Variants in VAPB observed in about 807,000 individuals in gnomAD.
The protein encoded by VAPB is vesicle-associated membrane protein-associated protein B/C.
In VAPB, 7 loss-of-function variants were observed where a neutral mutation model predicts 25.6. The ratio of observed to expected loss-of-function variants is 0.27; its 90% CI spans 0.16 to 0.51. VAPB has a LOEUF of 0.51. Ranked by LOEUF, VAPB falls within the 20% of genes least tolerant of loss-of-function variation. VAPB has a pLI of 0.97. For missense variants in VAPB, 266 were observed against 301.3 expected (o/e 0.88, Z 0.87); for synonymous variants, 112 against 109.2 (o/e 1.03, Z -0.16).
chr20:58,393,764 C>G (rs1987873200), intron 1 of VAPB, among the ~76,000 whole-genome samples: 1 of 151,922 alleles, frequency 6.6e-6, no homozygotes, highest in African/African-American at 2.4e-5. Flanking sequence ...TGGAGTTTGG[C>G]TCTTGTTGCT....
intron 1 of VAPB, among the ~76,000 whole-genome samples, chr20:58,415,404 A>T (rs912654467): frequency 2.6e-5 from 4 of 152,242 alleles, no homozygotes; most frequent in African/African-American, 9.6e-5. Flanking sequence ...TTACATTATT[A>T]AAAAGAGTAA....
In VAPB at chr20:58,447,772, T is replaced by A; in HGVS notation, c.*3537T>A. 1 of 453,998 alleles carries A rather than the reference T, an allele frequency of 2.2e-6. No individual in the cohort carries two copies. Among genetic ancestry groups the A allele is most frequent in the Non-Finnish European group, 4.4e-6 (1 of 226,690 alleles). The allele number at this position is 453,998 out of a possible 1,614,324, so 28.1% of individuals were successfully genotyped here. The stretch of plus-strand genomic sequence containing the variant: ...TACACAAATTTTTGTGTTTGCAAAC[T>A]CAGAATCCATGCCAAAATACAATGT... On this transcript the variant is annotated 3_prime_UTR_variant, in exon 6 of 6. Transcript: ENST00000475243.
In VAPB at chr20:58,447,442, G is replaced by A. The variant is rs898452072; in HGVS notation, c.*3207G>A. ...GTGGCCAGTTTATGGCTAGAGAGAC[G>A]ACTTATACCTCCATAACACAGAAGG... On this transcript the variant is annotated 3_prime_UTR_variant, in exon 6 of 6. Transcript: ENST00000475243. 8 of 453,854 alleles carry A rather than the reference G, an allele frequency of 1.8e-5. No homozygotes were observed. The highest frequency in any genetic ancestry group is 3.5e-5 in the Non-Finnish European group (8 of 226,790). The allele number at this position is 453,854 out of a possible 1,614,324, so 28.1% of individuals were successfully genotyped here. A position where few individuals can be genotyped will look rare whatever the true frequency, so the allele number is the denominator to read the frequency against.
rs1259597475 is a variant in VAPB, at chr20:58,446,030, A to G, written c.*1795A>G. 4 of 453,978 alleles carry G rather than the reference A, an allele frequency of 8.8e-6. No individual in the cohort carries two copies. Among genetic ancestry groups the G allele is most frequent in the South Asian group, 6.2e-5 (4 of 64,480 alleles). 28.1% of individuals were successfully genotyped at this position (453,978 alleles called of 1,614,324 possible). A position where few individuals can be genotyped will look rare whatever the true frequency, so the allele number is the denominator to read the frequency against. ...GGGGCCTTGAAACTGGAGAAGTGGA[A>G]GTCTATGGTTGGTCTGAGTAAGTAA... On this transcript the variant is annotated 3_prime_UTR_variant, in exon 6 of 6. Coordinates refer to ENST00000475243, the MANE Select transcript of VAPB (RefSeq NM_004738.5).
intron 1 of VAPB, among the ~76,000 whole-genome samples, chr20:58,399,307 A>G (rs1391022823): frequency 1.3e-5 from 2 of 151,920 alleles, no homozygotes; most frequent in African/African-American, 4.8e-5. Flanking sequence ...TCTCAAAAAA[A>G]AAAAAGAGAG....
At chr20:58,440,427 A>G (rs1157815057) in intron 4 of VAPB, 1 of 168,152 alleles carries the variant, frequency 5.9e-6, no homozygotes, top group Non-Finnish European at 1.3e-5. Flanking sequence ...CATTGCAGAC[A>G]CTGAGTTTGT....
In VAPB at chr20:58,447,354, G is replaced by A. The variant is rs1051869364; in HGVS notation, c.*3119G>A. 15 of 453,732 alleles carry A rather than the reference G, an allele frequency of 3.3e-5. No homozygotes were observed. The highest frequency in any genetic ancestry group is 1.2e-4 in the Admixed American group (5 of 42,520). 28.1% of individuals were successfully genotyped at this position (453,732 alleles called of 1,614,324 possible). A position where few individuals can be genotyped will look rare whatever the true frequency, so the allele number is the denominator to read the frequency against. ...CTAGTTTGCATGTTTTCCTTCTCTCGTCTTCTGAACTGCTGGCACCAGCAG... is the reference window on the plus strand; with the variant it reads ...CTAGTTTGCATGTTTTCCTTCTCTCATCTTCTGAACTGCTGGCACCAGCAG... On this transcript the variant is annotated 3_prime_UTR_variant, in exon 6 of 6. Coordinates refer to ENST00000475243, the MANE Select transcript of VAPB (RefSeq NM_004738.5).
intron 2 of VAPB, among the ~76,000 whole-genome samples, chr20:58,434,154 A>C (rs1336732293): frequency 6.6e-6 from 1 of 152,240 alleles, no homozygotes; most frequent in African/African-American, 2.4e-5. Context: ...TAGCTATATG[A>C]GAAATGGGTT....
chr20:58,434,038 AGGG>A (rs964751588), intron 2 of VAPB, among the ~76,000 whole-genome samples: 1 of 152,096 alleles, frequency 6.6e-6, no homozygotes, highest in Non-Finnish European at 1.5e-5. Flanking sequence ...GGGAAAAAAA[AGGG>A]GGAGTATAAG....
chr20:58,405,872 G>A (rs1269202617), intron 1 of VAPB, among the ~76,000 whole-genome samples: 2 of 147,446 alleles, frequency 1.4e-5, no homozygotes, highest in Non-Finnish European at 3.0e-5. Flanking sequence ...TCCTGCCTCA[G>A]CTTCCCAAGT....
chr20:58,394,032 G>A (rs545144176), intron 1 of VAPB, among the ~76,000 whole-genome samples: 96 of 152,238 alleles, frequency 6.3e-4, no homozygotes, highest in African/African-American at 2.0e-3. Context: ...GCACCCAGCC[G>A]GTTAAGGTTT....
At chr20:58,434,537 T>TTAG in intron 2 of VAPB, 65 bp from the exon 3 acceptor site, 1 of 826,466 alleles carries the variant, frequency 1.2e-6, no homozygotes, top group East Asian at 2.4e-5. Context: ...AGTACAAGTA[T>TTAG]TAGCATAATA....
In VAPB at chr20:58,393,181, C is replaced by G. The variant is rs181155766; in HGVS notation, c.58+3664C>G. On this transcript the variant is annotated intron_variant, in intron 1 of 5. Transcript: ENST00000475243. Reference sequence around the variant, plus strand: ...CCCTGGTAGCTAGGACTACAGATGCCACCATTCCTGGCTAATTTTTAAATT... The same window carrying G: ...CCCTGGTAGCTAGGACTACAGATGCGACCATTCCTGGCTAATTTTTAAATT... Among the ~76,000 whole-genome samples, 630 of 152,144 alleles carry G rather than the reference C, an allele frequency of 4.1e-3. 4 individuals carry two copies. The highest frequency in any genetic ancestry group is 4.6e-3 in the Non-Finnish European group (316 of 67,996).
chr20:58,411,911 C>A (rs1465834697), intron 1 of VAPB, among the ~76,000 whole-genome samples: 1 of 152,126 alleles, frequency 6.6e-6, no homozygotes, highest in Non-Finnish European at 1.5e-5. Context: ...GATCTCCTGA[C>A]GTTGTGATCC....
At chr20:58,421,614 T>TC (rs1361868431) in intron 2 of VAPB, among the ~76,000 whole-genome samples, 1 of 152,158 alleles carries the variant, frequency 6.6e-6, no homozygotes, top group Non-Finnish European at 1.5e-5. Context: ...AGTGCATTTT[T>TC]CCCATTTCTG....
chr20:58,425,216 A>G lies in VAPB; in HGVS notation c.211+6853A>G, dbSNP rs892984073. 3.3e-5 allele frequency among the ~76,000 whole-genome samples: 5 copies of G among 152,312 alleles called. No individual in the cohort carries two copies. The East Asian group carries it at 5.8e-4, about 18-fold the overall frequency. On this transcript the variant is annotated intron_variant, in intron 2 of 5. Coordinates refer to ENST00000475243, the MANE Select transcript of VAPB (RefSeq NM_004738.5). ...ATATGGTAGAGGACAGTCTTTCTCT[A>G]TGCAGGCTTTGTGAGAGGACGGGGA... is the stretch of plus-strand genomic sequence containing the variant.
intron 1 of VAPB, among the ~76,000 whole-genome samples, chr20:58,394,020 C>G (rs1369180928): frequency 1.3e-5 from 2 of 152,248 alleles, no homozygotes; most frequent in Non-Finnish European, 1.5e-5. Flanking sequence ...GTGTGCGCCA[C>G]TGCACCCAGC....
intron 2 of VAPB, among the ~76,000 whole-genome samples, chr20:58,419,825 G>A (rs993568387): frequency 2.0e-5 from 3 of 152,094 alleles, no homozygotes; most frequent in African/African-American, 7.2e-5. Context: ...TCAAATTTGA[G>A]CAAGTTTGTC....
At chr20:58,433,242 G>A (rs1346905702) in intron 2 of VAPB, among the ~76,000 whole-genome samples, 1 of 152,228 alleles carries the variant, frequency 6.6e-6, no homozygotes, top group East Asian at 1.9e-4. Context: ...TTGTAGTCAA[G>A]TCTTGGCTCT....
Sources: gnomAD v4.1 joint callset for allele counts (sites outside exome capture counted in the v4.1 genomes callset) on GRCh38, gnomAD v4.1.1 for gene constraint, MANE v1.5 for transcripts, NCBI Gene and HGNC (gene_info 2026-07-23, HGNC 2026-07-21) for gene names.